The following KCND2 variants were observed in gnomAD, a reference collection of about 807,000 sequenced individuals.
KCND2 encodes potassium voltage-gated channel subfamily D member 2, also known as A-type voltage-gated potassium channel KCND2.
In KCND2, 16 loss-of-function variants were observed where a neutral mutation model predicts 54.4. The ratio of observed to expected loss-of-function variants is 0.29; its 90% CI spans 0.20 to 0.45. The LOEUF (loss-of-function observed/expected upper bound fraction) is 0.45, where lower values mean the gene tolerates loss of function less well. Ranked by LOEUF, KCND2 falls within the 20% of genes least tolerant of loss-of-function variation. The pLI, the probability that KCND2 is intolerant of heterozygous loss-of-function variation, is 1.00. For missense variants in KCND2, 486 were observed against 824.2 expected (o/e 0.59, Z 5.02); for synonymous variants, 317 against 310.7 (o/e 1.02, Z -0.21).
intron 1 of KCND2, among the ~76,000 whole-genome samples, chr7:120,700,099 G>A (rs2116026259): frequency 6.6e-6 from 1 of 152,172 alleles, no homozygotes; most frequent in Non-Finnish European, 1.5e-5. Context: ...AAATGCCATA[G>A]ATTGGTCAAG....
At chr7:120,461,853 C>G (rs919967740) in intron 1 of KCND2, among the ~76,000 whole-genome samples, 6 of 151,968 alleles carry the variant, frequency 3.9e-5, no homozygotes, top group African/African-American at 1.5e-4. Flanking sequence ...GCAGAGCTAA[C>G]AAATCAGTGT....
At chr7:120,553,342 T>C (rs1309567994) in intron 1 of KCND2, among the ~76,000 whole-genome samples, 1 of 152,214 alleles carries the variant, frequency 6.6e-6, no homozygotes, top group Non-Finnish European at 1.5e-5. Context: ...TTTCTTTTAT[T>C]AAGGCTAAAT....
At chr7:120,737,932 A>T (rs1417645442) in intron 2 of KCND2, among the ~76,000 whole-genome samples, 3 of 151,896 alleles carry the variant, frequency 2.0e-5, no homozygotes, top group Admixed American at 6.6e-5. Flanking sequence ...CCTTTAATCT[A>T]CCTCATACCT....
At chr7:120,581,520 T>C (rs907787005) in intron 1 of KCND2, among the ~76,000 whole-genome samples, 4 of 152,188 alleles carry the variant, frequency 2.6e-5, no homozygotes, top group African/African-American at 9.6e-5. Context: ...AAAAGAGGGA[T>C]AGAATAAAAC....
chr7:120,686,045 G>T (rs377339623), intron 1 of KCND2, among the ~76,000 whole-genome samples: 1 of 152,090 alleles, frequency 6.6e-6, no homozygotes, highest in South Asian at 2.1e-4. Context: ...TTTCTCTCTG[G>T]CAAAGAAAGG....
chr7:120,672,564 T>C (rs1278387113), intron 1 of KCND2, among the ~76,000 whole-genome samples: 1 of 152,060 alleles, frequency 6.6e-6, no homozygotes, highest in South Asian at 2.1e-4. Flanking sequence ...CTTCACTGCT[T>C]CCTTCTCAGC....
chr7:120,582,897 T>G (rs2116445856), intron 1 of KCND2, among the ~76,000 whole-genome samples: 1 of 152,198 alleles, frequency 6.6e-6, no homozygotes, highest in East Asian at 1.9e-4. Flanking sequence ...TGTAGTTTCT[T>G]TAGCTTATGA....
intron 1 of KCND2, among the ~76,000 whole-genome samples, chr7:120,466,072 C>T (rs904755936): frequency 6.6e-6 from 1 of 152,202 alleles, no homozygotes; most frequent in Non-Finnish European, 1.5e-5. Flanking sequence ...TAACAGCTAT[C>T]TCTGAGCCCT....
chr7:120,602,895 G>A (rs536596899), intron 1 of KCND2, among the ~76,000 whole-genome samples: 11 of 152,240 alleles, frequency 7.2e-5, no homozygotes, highest in African/African-American at 2.6e-4. Context: ...GAAATCTATC[G>A]AAATGTTCCC....
chr7:120,348,712 C>G (rs1349903418), intron 1 of KCND2, among the ~76,000 whole-genome samples: 1 of 152,172 alleles, frequency 6.6e-6, no homozygotes, highest in African/African-American at 2.4e-5. Context: ...TCCTGCTGTA[C>G]TGTAAGATAG....
intron 1 of KCND2, among the ~76,000 whole-genome samples, chr7:120,322,246 A>G (rs1339471629): frequency 6.6e-6 from 1 of 152,126 alleles, no homozygotes; most frequent in Non-Finnish European, 1.5e-5. Flanking sequence ...TTCTATGTCA[A>G]ATATAAGCTG....
In KCND2 at chr7:120,712,345, C is replaced by T. The variant is rs112501214; in HGVS notation, c.1116-20558C>T. Among the ~76,000 whole-genome samples the T allele has an allele frequency of 3.0e-3, 426 of 140,046 alleles. 19 individuals carry two copies. The East Asian group carries it at 0.085, about 28-fold the overall frequency. The allele number at this position is 140,046 out of a possible 152,430, so 91.9% of individuals were successfully genotyped here. A position where few individuals can be genotyped will look rare whatever the true frequency, so the allele number is the denominator to read the frequency against. ...GTGGCGTGATCTTGGCTCACTGCAA[C>T]CTCTGCCTCCCCAGTTCAAGTGATT... is the stretch of plus-strand genomic sequence containing the variant. On this transcript the variant is annotated intron_variant, in intron 1 of 5. Coordinates refer to ENST00000331113, the MANE Select transcript of KCND2 (RefSeq NM_012281.3).
intron 1 of KCND2, among the ~76,000 whole-genome samples, chr7:120,328,247 G>A (rs1448765014): frequency 6.6e-6 from 1 of 152,068 alleles, no homozygotes; most frequent in Non-Finnish European, 1.5e-5. Context: ...TGTTTAGGTA[G>A]GCAAATTCAT....
intron 1 of KCND2, among the ~76,000 whole-genome samples, chr7:120,351,412 ACTCT>A (rs60390632): frequency 7.0e-5 from 7 of 99,800 alleles, no homozygotes; most frequent in African/African-American, 2.6e-4. Context: ...ACACACACAC[ACTCT>A]CTCTCTCTCT....
In KCND2 at chr7:120,326,221, CTCTT is replaced by C. The variant is rs1799973170; in HGVS notation, c.1115+50475_1115+50478del. Reference sequence around the variant, plus strand: ...AATGTACCTATGCAGATGTTGCCTACTCTTCCTTTGGGCTGCCTAGAAAGAGCAC... The same window carrying C: ...AATGTACCTATGCAGATGTTGCCTACCCTTTGGGCTGCCTAGAAAGAGCAC... On this transcript the variant is annotated intron_variant, in intron 1 of 5. Transcript: ENST00000331113. 3.3e-5 allele frequency among the ~76,000 whole-genome samples: 5 copies of C among 152,206 alleles called. No homozygotes were observed. In the South Asian group the frequency reaches 1.0e-3, roughly 32 times the overall value.
intron 1 of KCND2, among the ~76,000 whole-genome samples, chr7:120,359,404 T>C (rs927882968): frequency 2.6e-5 from 4 of 152,042 alleles, no homozygotes; most frequent in Admixed American, 2.0e-4. Context: ...CCGATATGGG[T>C]TGCAAAATGG....
At chr7:120,713,395 G>A (rs994012262) in intron 1 of KCND2, among the ~76,000 whole-genome samples, 4 of 152,116 alleles carry the variant, frequency 2.6e-5, no homozygotes, top group African/African-American at 9.7e-5. Flanking sequence ...AGATTATTGA[G>A]TACAATGTCA....
At chr7:120,450,128 T>C (rs746966852) in intron 1 of KCND2, among the ~76,000 whole-genome samples, 4 of 152,138 alleles carry the variant, frequency 2.6e-5, no homozygotes, top group Non-Finnish European at 5.9e-5. Context: ...ATTTACTGGT[T>C]TTCACCGGGC....
At chr7:120,559,435 A>C (rs550483457) in intron 1 of KCND2, among the ~76,000 whole-genome samples, 86 of 152,316 alleles carry the variant, frequency 5.6e-4, no homozygotes, top group Admixed American at 5.4e-3. Flanking sequence ...ACAAAGGCTT[A>C]GGCAGATGAG....
Sources: allele counts gnomAD v4.1 joint callset (sites outside exome capture counted in the v4.1 genomes callset), GRCh38; gene constraint gnomAD v4.1.1; transcripts MANE v1.5; gene names NCBI Gene and HGNC (gene_info 2026-07-23, HGNC 2026-07-21).